APPBP2: variants seen among roughly 807,000 people sequenced by gnomAD.
APPBP2 encodes the protein amyloid beta precursor protein binding protein 2.
Under a neutral mutation model 76.0 loss-of-function variants are expected in APPBP2, and 15 were observed. The ratio of observed to expected loss-of-function variants is 0.20; its 90% CI spans 0.13 to 0.30. The LOEUF (loss-of-function observed/expected upper bound fraction) is 0.30, where lower values mean the gene tolerates loss of function less well. APPBP2 is among the 10% of genes least tolerant of loss of function. APPBP2 has a pLI of 1.00. For missense variants in APPBP2, 401 were observed against 687.2 expected (o/e 0.58, Z 4.66); for synonymous variants, 222 against 242.2 (o/e 0.92, Z 0.77).
At position 60,526,208 on chromosome 17, in the gene APPBP2, A is replaced by C. The variant is rs1314451449; in HGVS notation, c.-277T>G. 6.9e-6 allele frequency: 3 copies of C among 437,412 alleles called. No homozygotes were observed. The East Asian group carries it at 1.4e-4, about 21-fold the overall frequency. The allele number at this position is 437,412 out of a possible 1,614,324, so 27.1% of individuals were successfully genotyped here. On this transcript the variant is annotated 5_prime_UTR_variant, in exon 1 of 13. Coordinates refer to ENST00000083182, the MANE Select transcript of APPBP2 (RefSeq NM_006380.5). ...TCGAGAGGAACCCGGGTTCCGTCCC[A>C]GCGCTGATCTCTGCAGGGGCGGGGC...
intron 11 of APPBP2, among the ~76,000 whole-genome samples, chr17:60,453,639 A>G (rs1455644613): frequency 6.7e-6 from 1 of 148,878 alleles, no homozygotes; most frequent in South Asian, 2.1e-4. Context: ...TTTTGGGCTC[A>G]AGTCATCCTC....
At chr17:60,518,638 G>C (rs1465077968) in intron 1 of APPBP2, among the ~76,000 whole-genome samples, 2 of 151,940 alleles carry the variant, frequency 1.3e-5, no homozygotes, top group Non-Finnish European at 2.9e-5. Context: ...TGAGTAGCTG[G>C]GACCGTAGGC....
rs1422027225 is a variant in APPBP2, at chr17:60,494,541, T to C, written c.304A>G (p.Ser102Gly). 2 of 1,612,680 alleles carry C rather than the reference T, an allele frequency of 1.2e-6. No individual in the cohort carries two copies. Among genetic ancestry groups the C allele is most frequent in the Admixed American group, 1.7e-5 (1 of 59,414 alleles). The stretch of plus-strand genomic sequence containing the variant: ...TCTGCTATATAAGAGCACCGCCTAC[T>C]GAATGAGTAGGCCAAGACTGAAGCA... ...KVASVLAYSF[S>G]RRCSYIAESD... The change falls in exon 3 of 13, where the codon AGT becomes GGT. Residue 102 changes from serine to glycine, a missense_variant. Ser to Gly is a moderately conservative substitution (Grantham distance 56). Transcript: ENST00000083182.
At chr17:60,462,371 A>C (rs2090481690) in intron 6 of APPBP2, 15 of 240,154 alleles carry the variant, frequency 6.2e-5, no homozygotes, top group South Asian at 2.2e-4. Flanking sequence ...AAATAAAACA[A>C]TGGGGGCAGA....
chr17:60,486,463 CTT>C (rs1482307662), intron 3 of APPBP2, among the ~76,000 whole-genome samples: 5 of 148,120 alleles, frequency 3.4e-5, no homozygotes, highest in Non-Finnish European at 7.4e-5. Flanking sequence ...GGCCTCGTCT[CTT>C]TTGATCTTTG....
chr17:60,511,510 G>A (rs567521536), intron 1 of APPBP2, among the ~76,000 whole-genome samples: 6 of 151,582 alleles, frequency 4.0e-5, no homozygotes, highest in Non-Finnish European at 7.4e-5. Flanking sequence ...ACTTGAACTC[G>A]GAAGGCAGAG....
Position 60,444,798 on chromosome 17 carries a change from T to C in APPBP2, c.*2783A>G, listed in dbSNP as rs1217094938. The C allele has an allele frequency of 6.6e-6, 1 of 152,354 alleles. No individual in the cohort carries two copies. Among genetic ancestry groups the C allele is most frequent in the Non-Finnish European group, 1.5e-5 (1 of 68,008 alleles). The allele number at this position is 152,354 out of a possible 1,614,324, so 9.4% of individuals were successfully genotyped here. A position where few individuals can be genotyped will look rare whatever the true frequency, so the allele number is the denominator to read the frequency against. ...AGCTCCCTGATGCACCCAACTGGAG[T>C]AGCACCGAACTTTAGGAAAAGACTG... On this transcript the variant is annotated 3_prime_UTR_variant, in exon 13 of 13. Coordinates refer to ENST00000083182, the MANE Select transcript of APPBP2 (RefSeq NM_006380.5).
At chr17:60,518,869 T>C (rs368795808) in intron 1 of APPBP2, among the ~76,000 whole-genome samples, 2 of 152,224 alleles carry the variant, frequency 1.3e-5, no homozygotes, top group Non-Finnish European at 2.9e-5. Flanking sequence ...GTTTCATTCT[T>C]AGAAATGCCT....
chr17:60,475,309 T>C (rs1174602314), intron 4 of APPBP2, among the ~76,000 whole-genome samples: 1 of 152,172 alleles, frequency 6.6e-6, no homozygotes, highest in African/African-American at 2.4e-5. Context: ...TTCATTATAT[T>C]GCCCAGGCAG....
At chr17:60,512,108 A>ATTTTT (rs201848782) in intron 1 of APPBP2, among the ~76,000 whole-genome samples, 1 of 146,326 alleles carries the variant, frequency 6.8e-6, no homozygotes, top group African/African-American at 2.7e-5. Flanking sequence ...TATTATTATT[A>ATTTTT]TTTTCTTTTT....
rs16944461 is a variant in APPBP2 at position 60,504,333 on chromosome 17, T to G, written c.139-3846A>C. Among the ~76,000 whole-genome samples, 16 of 152,010 alleles carry G rather than the reference T, an allele frequency of 1.1e-4. No homozygotes were observed. In the East Asian group the frequency reaches 2.9e-3, roughly 28 times the overall value. ...AGTATTATACAGTTATGAAGATAGA[T>G]CAACCAACAGAACAAAATGCAAAGT... On this transcript the variant is annotated intron_variant, in intron 1 of 12. Transcript: ENST00000083182.
chr17:60,452,163 A>G, intron 11 of APPBP2, 118 bp from the exon 12 acceptor site: 1 of 1,042,252 alleles, frequency 9.6e-7, no homozygotes, highest in Non-Finnish European at 1.4e-6. Context: ...TAAGGTAATC[A>G]GATCAAAGAA....
intron 1 of APPBP2, chr17:60,513,504 C>G (rs763098095): frequency 4.2e-5 from 23 of 547,472 alleles, no homozygotes; most frequent in Non-Finnish European, 7.4e-5. Context: ...GGAGGAACAG[C>G]TGAAGCTTCT....
chr17:60,518,886 T>C (rs545054718), intron 1 of APPBP2, among the ~76,000 whole-genome samples: 1 of 152,216 alleles, frequency 6.6e-6, no homozygotes, highest in Non-Finnish European at 1.5e-5. Context: ...GCCTTCTTCA[T>C]GCCAAGATGG....
intron 3 of APPBP2, among the ~76,000 whole-genome samples, chr17:60,481,747 CAAAAGAAGTTAGG>C (rs1157022588): frequency 6.6e-6 from 1 of 152,138 alleles, no homozygotes; most frequent in African/African-American, 2.4e-5. Context: ...TCCTTGTTTT[CAAAAGAAGTTAGG>C]AAAAGAAGAC....
chr17:60,449,531 G>A (rs1046644947), intron 12 of APPBP2, among the ~76,000 whole-genome samples: 3 of 152,160 alleles, frequency 2.0e-5, no homozygotes, highest in African/African-American at 7.2e-5. Context: ...AGGAGGTGGA[G>A]GCTGCAGTGA....
At chr17:60,496,580 A>G (rs1035590392) in intron 2 of APPBP2, 2 of 152,178 alleles carry the variant, frequency 1.3e-5, no homozygotes, top group African/African-American at 4.8e-5. Flanking sequence ...GTCTTCTTTT[A>G]CCAAAATGAG....
At chr17:60,494,685 G>C in intron 2 of APPBP2, 68 bp from the exon 3 acceptor site, 1 of 1,344,990 alleles carries the variant, frequency 7.4e-7, no homozygotes, top group Non-Finnish European at 1.0e-6. Context: ...AGTGCTAACT[G>C]CTTCTCTTTT....
rs1456755283 is a variant in APPBP2, at chr17:60,518,348, TGTGTGCGTGC to T, written c.138+7436_138+7445del. 7.5e-3 allele frequency among the ~76,000 whole-genome samples: 937 copies of T among 124,190 alleles called. 115 individuals carry two copies. Among genetic ancestry groups the T allele is most frequent in the African/African-American group, 0.044 (860 of 19,726 alleles). The allele number at this position is 124,190 out of a possible 152,430, so 81.5% of individuals were successfully genotyped here. ...AGGCATGAGCTACCATGCCCAGCCG[TGTGTGCGTGC>T]GTGTGTGTGTGTGTGTGTGTGTGTG... On this transcript the variant is annotated intron_variant, in intron 1 of 12. Coordinates refer to ENST00000083182, the MANE Select transcript of APPBP2 (RefSeq NM_006380.5).
Sources: gnomAD v4.1 joint callset for allele counts (sites outside exome capture counted in the v4.1 genomes callset) on GRCh38, gnomAD v4.1.1 for gene constraint, MANE v1.5 for transcripts, NCBI Gene and HGNC (gene_info 2026-07-23, HGNC 2026-07-21) for gene names.